PRICKLE1: variants seen among roughly 807,000 people sequenced by gnomAD.
PRICKLE1 encodes the protein prickle planar cell polarity protein 1, also known as prickle-like protein 1.
In PRICKLE1, 14 loss-of-function variants were observed where a neutral mutation model predicts 70.2. The observed-to-expected ratio is 0.20, with a 90% CI of 0.13 to 0.31. PRICKLE1 has a LOEUF of 0.31. PRICKLE1 is among the 10% of genes least tolerant of loss of function. The probability of loss-of-function intolerance (pLI) is 1.00; values close to 1 mark genes in which losing one functional copy is unlikely to be tolerated. For missense variants in PRICKLE1, 821 were observed against 1,026.2 expected, an observed-to-expected ratio of 0.80 and a Z score of 2.73; for synonymous variants, 357 against 379.9, an observed-to-expected ratio of 0.94 and a Z score of 0.70.
chr12:42,535,228 T>C (rs1939997242), intron 1 of PRICKLE1, among the ~76,000 whole-genome samples: 1 of 152,164 alleles, frequency 6.6e-6, no homozygotes, highest in Non-Finnish European at 1.5e-5. Context: ...TCTTGGACAA[T>C]ATTGCCTGAC....
At chr12:42,575,004 G>T (rs1318783480) in intron 1 of PRICKLE1, among the ~76,000 whole-genome samples, 1 of 149,216 alleles carries the variant, frequency 6.7e-6, no homozygotes, top group East Asian at 1.9e-4. Context: ...TGACATTCAG[G>T]CTTCTTTTTT....
chr12:42,560,026 A>C (rs7980726), intron 1 of PRICKLE1, among the ~76,000 whole-genome samples: 147,885 of 151,408 alleles, frequency 0.98, 72,316 homozygotes, highest in Middle Eastern at 1. Flanking sequence ...TGGAAGGAAA[A>C]GAACAGGAAC....
At chr12:42,461,758 T>C (rs911845489) in intron 7 of PRICKLE1, among the ~76,000 whole-genome samples, 6 of 152,246 alleles carry the variant, frequency 3.9e-5, no homozygotes, top group African/African-American at 1.4e-4. Context: ...TATAGCCCTA[T>C]AGACAAAGTG....
intron 1 of PRICKLE1, among the ~76,000 whole-genome samples, chr12:42,506,253 TTC>T (rs900148085): frequency 3.8e-4 from 25 of 66,526 alleles, no homozygotes; most frequent in Admixed American, 2.3e-4. Flanking sequence ...TCTTTTTTCT[TTC>T]TTTCTTTTTT....
intron 1 of PRICKLE1, among the ~76,000 whole-genome samples, chr12:42,499,810 C>A (rs1939274587): frequency 6.6e-6 from 1 of 152,154 alleles, no homozygotes; most frequent in Non-Finnish European, 1.5e-5. Context: ...TCACTGCAAC[C>A]TCTGCCTCCC....
rs1937642004 is a variant in PRICKLE1, at chr12:42,457,969, A to T, written c.*1840T>A. The T allele has an allele frequency of 6.6e-6, 1 of 152,140 alleles. No homozygotes were observed. Among genetic ancestry groups the T allele is most frequent in the Non-Finnish European group, 1.5e-5 (1 of 68,022 alleles). 9.4% of individuals were successfully genotyped at this position (152,140 alleles called of 1,614,324 possible). A position where few individuals can be genotyped will look rare whatever the true frequency, so the allele number is the denominator to read the frequency against. ...TGTATGCACTTCCTTTTCATTGCTG[A>T]TGGTTTTTTAAAGGCACCAGACCAG... On this transcript the variant is annotated 3_prime_UTR_variant, in exon 8 of 8. Coordinates refer to ENST00000345127, the MANE Select transcript of PRICKLE1 (RefSeq NM_153026.3).
intron 1 of PRICKLE1, among the ~76,000 whole-genome samples, chr12:42,532,649 G>A (rs999938412): frequency 2.0e-5 from 3 of 152,168 alleles, no homozygotes; most frequent in African/African-American, 7.2e-5. Flanking sequence ...TGTAATCCCA[G>A]CACTTTGGGA....
intron 1 of PRICKLE1, among the ~76,000 whole-genome samples, chr12:42,539,632 T>C (rs1292676996): frequency 6.6e-6 from 1 of 152,200 alleles, no homozygotes; most frequent in Non-Finnish European, 1.5e-5. Flanking sequence ...AAATTTCCTA[T>C]TTTTCTAGAA....
In PRICKLE1 at chr12:42,568,419, T is replaced by C. The variant is rs551330457; in HGVS notation, c.-49+21046A>G. 2.4e-4 allele frequency among the ~76,000 whole-genome samples: 36 copies of C among 152,296 alleles called. No homozygotes were observed. In the South Asian group the frequency reaches 6.6e-3, roughly 28 times the overall value. On this transcript the variant is annotated intron_variant, in intron 1 of 7. Transcript: ENST00000345127. ...TCAAACTCCTGAGCTCAAGTGACCCTCCCACTTGGCTTCCCAAAGTATTGG... is the reference window on the plus strand; with the variant it reads ...TCAAACTCCTGAGCTCAAGTGACCCCCCCACTTGGCTTCCCAAAGTATTGG...
intron 1 of PRICKLE1, among the ~76,000 whole-genome samples, chr12:42,570,626 C>T (rs1940693346): frequency 6.6e-6 from 1 of 152,118 alleles, no homozygotes; most frequent in Admixed American, 6.6e-5. Context: ...TCGAGACCAG[C>T]CTGGCCAACA....
chr12:42,512,443 G>A (rs1593147491), intron 1 of PRICKLE1, among the ~76,000 whole-genome samples: 1 of 152,072 alleles, frequency 6.6e-6, no homozygotes, highest in East Asian at 1.9e-4. Context: ...CCCAAAGTGC[G>A]GGGATTACAG....
At chr12:42,489,657 TAAAAAAAAAAAAAAAAA>T (rs71084661) in intron 1 of PRICKLE1, 1 of 67,798 alleles carries the variant, frequency 1.5e-5, no homozygotes, top group Non-Finnish European at 2.8e-5. Context: ...GAGACTTCTC[TAAAAAAAAAAAAAAAAA>T]AAAAAAAAAA....
At position 42,457,639 on chromosome 12, in the gene PRICKLE1, T is replaced by C. The variant is rs1349709907; in HGVS notation, c.*2170A>G. The stretch of plus-strand genomic sequence containing the variant: ...GTGCACATGTGCCAGTGTAGCATAA[T>C]GTATGAGGAAAGTCAACTCCATCAT... On this transcript the variant is annotated 3_prime_UTR_variant, in exon 8 of 8. Transcript: ENST00000345127. 3 of 152,186 alleles carry C rather than the reference T, an allele frequency of 2.0e-5. No individual in the cohort carries two copies. The highest frequency in any genetic ancestry group is 6.5e-5 in the Admixed American group (1 of 15,282). The allele number at this position is 152,186 out of a possible 1,614,324, so 9.4% of individuals were successfully genotyped here.
At position 42,526,753 on chromosome 12, in the gene PRICKLE1, CAAAA is replaced by C. The variant is rs55654226; in HGVS notation, c.-48-54193_-48-54190del. Among the ~76,000 whole-genome samples the C allele has an allele frequency of 4.7e-3, 642 of 137,754 alleles. 2 individuals carry two copies. The highest frequency in any genetic ancestry group is 8.5e-3 in the East Asian group (41 of 4,816). The allele number at this position is 137,754 out of a possible 152,430, so 90.4% of individuals were successfully genotyped here. Reference sequence around the variant, plus strand: ...CCCCCTTAAAAACACTCCTCTAAGCCAAAAAAAAAAAAAAAATGCTTAGAGGAGT... The same window carrying C: ...CCCCCTTAAAAACACTCCTCTAAGCCAAAAAAAAAAAATGCTTAGAGGAGT... On this transcript the variant is annotated intron_variant, in intron 1 of 7. Transcript: ENST00000345127.
In PRICKLE1 at chr12:42,460,434, G is replaced by A; in HGVS notation, c.1871C>T (p.Ser624Phe). The A allele has an allele frequency of 6.2e-7, 1 of 1,614,154 alleles. No individual in the cohort carries two copies. The highest frequency in any genetic ancestry group is 8.5e-7 in the Non-Finnish European group (1 of 1,180,004). ...VHLPVLRRSK[S>F]QSRPQQVKFS... ...CTTGACCTGCTGGGGTCTGGATTGAGACTTGGACCTTCTGAGCACTGGCAG... is the reference window on the plus strand; with the variant it reads ...CTTGACCTGCTGGGGTCTGGATTGAAACTTGGACCTTCTGAGCACTGGCAG... Residue 624 changes from serine to phenylalanine, a missense_variant, in exon 8 of 8, where the codon TCT becomes TTT. Transcript: ENST00000345127.
intron 1 of PRICKLE1, among the ~76,000 whole-genome samples, chr12:42,579,510 A>G (rs1380195870): frequency 6.6e-6 from 1 of 152,222 alleles, no homozygotes; most frequent in East Asian, 1.9e-4. Context: ...AAAATGCTTC[A>G]CAGTATTTCT....
chr12:42,585,452 A>T (rs1402671648), intron 1 of PRICKLE1, among the ~76,000 whole-genome samples: 1 of 152,160 alleles, frequency 6.6e-6, no homozygotes, highest in Non-Finnish European at 1.5e-5. Context: ...GAATTATTAC[A>T]TTCTGAGAGG....
At chr12:42,471,226 G>A (rs1387270334) in intron 2 of PRICKLE1, among the ~76,000 whole-genome samples, 1 of 152,104 alleles carries the variant, frequency 6.6e-6, no homozygotes, top group Non-Finnish European at 1.5e-5. Flanking sequence ...AAGCCACATT[G>A]AGCTGTACTT....
intron 1 of PRICKLE1, among the ~76,000 whole-genome samples, chr12:42,476,092 CA>C (rs398044331): frequency 0.39 from 39,769 of 101,678 alleles, 6,154 homozygotes; most frequent in South Asian, 0.51. Flanking sequence ...AACTCCGTCT[CA>C]AAAAAAAAAA....
Sources: gnomAD v4.1 joint callset for allele counts (sites outside exome capture counted in the v4.1 genomes callset) on GRCh38, gnomAD v4.1.1 for gene constraint, MANE v1.5 for transcripts, NCBI Gene and HGNC (gene_info 2026-07-23, HGNC 2026-07-21) for gene names.